Variants in RAPGEF5 observed in about 807,000 individuals in gnomAD.
RAPGEF5 encodes Rap guanine nucleotide exchange factor 5, also known as M-Ras-regulated GEF.
A neutral mutation model predicts 125.2 loss-of-function variants in RAPGEF5; 65 were observed. The observed-to-expected ratio is 0.52, with a 90% CI of 0.43 to 0.64. The LOEUF (loss-of-function observed/expected upper bound fraction) is 0.64. RAPGEF5 is among the 30% of genes least tolerant of loss of function. The pLI is 0.00. For synonymous variants in RAPGEF5, 391 were observed against 385.9 expected (o/e 1.01, Z -0.16); for missense variants, 958 against 1,048.1 (o/e 0.91, Z 1.19).
intron 9 of RAPGEF5, among the ~76,000 whole-genome samples, chr7:22,194,246 T>C (rs1363095163): frequency 6.6e-6 from 1 of 152,112 alleles, no homozygotes; most frequent in Non-Finnish European, 1.5e-5. Context: ...CTTAAAACAT[T>C]AGACAGACAT....
At chr7:22,166,449 C>T (rs746684759) in intron 12 of RAPGEF5, among the ~76,000 whole-genome samples, 1 of 152,138 alleles carries the variant, frequency 6.6e-6, no homozygotes, top group Non-Finnish European at 1.5e-5. Context: ...TGTGGCATTT[C>T]AATGATCCTA....
chr7:22,198,153 A>G (rs960386930), intron 9 of RAPGEF5, among the ~76,000 whole-genome samples: 2 of 152,176 alleles, frequency 1.3e-5, no homozygotes, highest in East Asian at 3.9e-4. Context: ...CAGTCTCCCA[A>G]AGAACACCTT....
chr7:22,184,721 G>C (rs1784777543), intron 11 of RAPGEF5, among the ~76,000 whole-genome samples: 1 of 152,092 alleles, frequency 6.6e-6, no homozygotes, highest in African/African-American at 2.4e-5. Context: ...TAACAACAAG[G>C]GTATTAATTA....
At chr7:22,260,137 T>C (rs957164069) in intron 7 of RAPGEF5, among the ~76,000 whole-genome samples, 2 of 151,206 alleles carry the variant, frequency 1.3e-5, no homozygotes, top group African/African-American at 4.9e-5. Context: ...GAACATAGAG[T>C]TGAATAAGTG....
At chr7:22,182,023 A>T (rs1276559017) in intron 11 of RAPGEF5, among the ~76,000 whole-genome samples, 1 of 152,196 alleles carries the variant, frequency 6.6e-6, no homozygotes, top group African/African-American at 2.4e-5. Flanking sequence ...TGAGAGATTA[A>T]CATGCAGTGA....
chr7:22,325,756 G>A (rs368272261), intron 1 of RAPGEF5, among the ~76,000 whole-genome samples: 3 of 152,188 alleles, frequency 2.0e-5, no homozygotes, highest in South Asian at 2.1e-4. Context: ...TAGAGACGAC[G>A]TCTCACTATG....
intron 11 of RAPGEF5, among the ~76,000 whole-genome samples, chr7:22,169,785 A>G (rs1054409245): frequency 6.2e-5 from 9 of 145,090 alleles, no homozygotes; most frequent in East Asian, 2.1e-4. Flanking sequence ...GCTTGAACTC[A>G]GGCGGTGGAA....
chr7:22,199,027 G>A (rs1306043559), intron 9 of RAPGEF5, among the ~76,000 whole-genome samples: 1 of 152,224 alleles, frequency 6.6e-6, no homozygotes, highest in Non-Finnish European at 1.5e-5. Context: ...CCCTCGTGCT[G>A]ACTGACAGTG....
intron 1 of RAPGEF5, among the ~76,000 whole-genome samples, chr7:22,354,214 G>T (rs968044635): frequency 6.6e-6 from 1 of 152,190 alleles, no homozygotes; most frequent in African/African-American, 2.4e-5. Flanking sequence ...CATGGATAAG[G>T]ACCACACATA....
intron 1 of RAPGEF5, among the ~76,000 whole-genome samples, chr7:22,353,605 T>C (rs1007341111): frequency 6.6e-6 from 1 of 152,180 alleles, no homozygotes; most frequent in African/African-American, 2.4e-5. Context: ...CATTCTCTCA[T>C]AATCTCTGTT....
intron 7 of RAPGEF5, among the ~76,000 whole-genome samples, chr7:22,234,786 C>A (rs1040875997): frequency 6.6e-6 from 1 of 152,068 alleles, no homozygotes; most frequent in Non-Finnish European, 1.5e-5. Context: ...CAGGTTTTCT[C>A]TCCCCAGGAC....
intron 9 of RAPGEF5, among the ~76,000 whole-genome samples, chr7:22,197,296 C>T (rs1228356715): frequency 6.6e-6 from 1 of 152,118 alleles, no homozygotes; most frequent in Non-Finnish European, 1.5e-5. Context: ...CCCATTCCTC[C>T]CAAATCAAAC....
intron 1 of RAPGEF5, among the ~76,000 whole-genome samples, chr7:22,354,116 G>T (rs933139140): frequency 6.6e-6 from 1 of 152,068 alleles, no homozygotes; most frequent in Non-Finnish European, 1.5e-5. Flanking sequence ...AGCCTATAAT[G>T]CACCTGGGTT....
chr7:22,203,528 G>A (rs185485878), intron 9 of RAPGEF5, among the ~76,000 whole-genome samples: 11 of 152,334 alleles, frequency 7.2e-5, no homozygotes, highest in Non-Finnish European at 1.5e-4. Flanking sequence ...ACACAGCAAT[G>A]ACAAACAAGG....
intron 6 of RAPGEF5, among the ~76,000 whole-genome samples, chr7:22,280,037 G>A (rs1374104061): frequency 2.0e-5 from 3 of 152,140 alleles, no homozygotes; most frequent in Non-Finnish European, 4.4e-5. Flanking sequence ...GAAAAGGTAG[G>A]GTGACCCCAA....
rs148710697 is a variant in RAPGEF5 at position 22,222,945 on chromosome 7, G to A, written c.871-2954C>T. ...TGTTTGGGGGTCTCCAAAATATTTGGTTTGAGTAACTGAAAGGATGGAGTT... is the reference window on the plus strand; with the variant it reads ...TGTTTGGGGGTCTCCAAAATATTTGATTTGAGTAACTGAAAGGATGGAGTT... On this transcript the variant is annotated intron_variant, in intron 8 of 25. Coordinates refer to ENST00000665637, the MANE Select transcript of RAPGEF5 (RefSeq NM_012294.5). Among the ~76,000 whole-genome samples the A allele has an allele frequency of 4.7e-3, 713 of 150,294 alleles. 24 individuals carry two copies. The highest frequency in any genetic ancestry group is 0.043 in the Admixed American group (642 of 14,826).
At chr7:22,235,890 T>A (rs1358441226) in intron 7 of RAPGEF5, among the ~76,000 whole-genome samples, 1 of 152,190 alleles carries the variant, frequency 6.6e-6, no homozygotes, top group Non-Finnish European at 1.5e-5. Flanking sequence ...TACTCAAATC[T>A]TTTCCATTCT....
chr7:22,353,404 C>A (rs1448890937), intron 1 of RAPGEF5, among the ~76,000 whole-genome samples: 1 of 152,064 alleles, frequency 6.6e-6, no homozygotes, highest in Non-Finnish European at 1.5e-5. Flanking sequence ...GTGAAAAAGG[C>A]AAAGTTTTGC....
intron 11 of RAPGEF5, among the ~76,000 whole-genome samples, chr7:22,183,724 T>C (rs947581716): frequency 1.3e-5 from 2 of 152,310 alleles, no homozygotes; most frequent in East Asian, 3.9e-4. Flanking sequence ...CACATGCATA[T>C]GTCATTTAGA....
Sources: allele counts gnomAD v4.1 joint callset (sites outside exome capture counted in the v4.1 genomes callset), GRCh38; gene constraint gnomAD v4.1.1; transcripts MANE v1.5; gene names NCBI Gene and HGNC (gene_info 2026-07-23, HGNC 2026-07-21).